Variants in EFNA5 observed in about 807,000 individuals in gnomAD.
EFNA5 encodes ephrin-A5.
EFNA5 carries 5 observed loss-of-function variants against 22.9 expected under a neutral mutation model. That is an observed-to-expected ratio of 0.22 (90% CI 0.11 to 0.46). The LOEUF is 0.46. Among genes scored for constraint, EFNA5 ranks in the 20% least tolerant of loss-of-function variants. The pLI, the probability that EFNA5 is intolerant of heterozygous loss-of-function variation, is 0.99. For missense variants in EFNA5, 237 were observed against 293.3 expected, an observed-to-expected ratio of 0.81 and a Z score of 1.40; for synonymous variants, 113 against 112.2, an observed-to-expected ratio of 1.01 and a Z score of -0.04.
At chr5:107,619,907 C>A (rs1284177087) in intron 1 of EFNA5, among the ~76,000 whole-genome samples, 1 of 152,186 alleles carries the variant, frequency 6.6e-6, no homozygotes, top group Non-Finnish European at 1.5e-5. Context: ...ACCTTTGTTT[C>A]TACCTCTGGC....
chr5:107,657,878 C>A (rs566418345), intron 1 of EFNA5, among the ~76,000 whole-genome samples: 3 of 151,914 alleles, frequency 2.0e-5, no homozygotes, highest in Admixed American at 6.6e-5. Flanking sequence ...AAACAAAAAA[C>A]GCAGAGTAAT....
intron 1 of EFNA5, among the ~76,000 whole-genome samples, chr5:107,645,834 T>C (rs1381641602): frequency 1.3e-5 from 2 of 152,232 alleles, no homozygotes; most frequent in Non-Finnish European, 2.9e-5. Context: ...TCCAGATAAA[T>C]ATGGATTCAG....
chr5:107,380,831 C>A lies in EFNA5; in HGVS notation c.*424G>T, dbSNP rs1747433211. On this transcript the variant is annotated 3_prime_UTR_variant, in exon 5 of 5. Coordinates refer to ENST00000333274, the MANE Select transcript of EFNA5 (RefSeq NM_001962.3). ...AAGGCATAAATATTGCATAGGAGAGCAAAACCCTCCCAGCCCTAGCCAGCG... is the reference window on the plus strand; with the variant it reads ...AAGGCATAAATATTGCATAGGAGAGAAAAACCCTCCCAGCCCTAGCCAGCG... 1 of 408,866 alleles carries A rather than the reference C, an allele frequency of 2.4e-6. No homozygotes were observed. Among genetic ancestry groups the A allele is most frequent in the East Asian group, 3.5e-5 (1 of 28,876 alleles). 25.3% of individuals were successfully genotyped at this position (408,866 alleles called of 1,614,324 possible). A position where few individuals can be genotyped will look rare whatever the true frequency, so the allele number is the denominator to read the frequency against.
chr5:107,555,667 A>G (rs942081300), intron 1 of EFNA5, among the ~76,000 whole-genome samples: 2 of 152,254 alleles, frequency 1.3e-5, no homozygotes, highest in African/African-American at 4.8e-5. Context: ...AGATATACAC[A>G]TTCTTCTATA....
At chr5:107,477,674 G>A (rs1750349446) in intron 1 of EFNA5, among the ~76,000 whole-genome samples, 1 of 152,144 alleles carries the variant, frequency 6.6e-6, no homozygotes, top group African/African-American at 2.4e-5. Context: ...TTCTCAAGGT[G>A]TGGCTATTGT....
chr5:107,591,394 C>G (rs1749321512), intron 1 of EFNA5, among the ~76,000 whole-genome samples: 1 of 152,132 alleles, frequency 6.6e-6, no homozygotes, highest in Non-Finnish European at 1.5e-5. Context: ...TCCAGCTGAC[C>G]ACAGTCCCCA....
chr5:107,383,285 G>A lies in EFNA5; in HGVS notation c.566-1909C>T, dbSNP rs1241276443. On this transcript the variant is annotated intron_variant, in intron 4 of 4. Transcript: ENST00000333274. ...CTAGAAAAGGTTAGGAAGCAAGATG[G>A]TAAGATAAATGGATGCAGAAAAAAT... Among the ~76,000 whole-genome samples, 5 of 152,288 alleles carry A rather than the reference G, an allele frequency of 3.3e-5. 1 individual carries two copies. Among genetic ancestry groups the A allele is most frequent in the Admixed American group, 2.6e-4 (4 of 15,298 alleles).
At chr5:107,474,559 C>G (rs1750227005) in intron 1 of EFNA5, among the ~76,000 whole-genome samples, 1 of 152,040 alleles carries the variant, frequency 6.6e-6, no homozygotes, top group African/African-American at 2.4e-5. Flanking sequence ...GTCATGCAAC[C>G]ATGCATCTTT....
At chr5:107,444,553 A>C (rs757866640) in intron 1 of EFNA5, among the ~76,000 whole-genome samples, 1 of 152,254 alleles carries the variant, frequency 6.6e-6, no homozygotes, top group Non-Finnish European at 1.5e-5. Context: ...GAGAATACTT[A>C]ATGGTTGAAC....
At chr5:107,512,307 C>T (rs546176022) in intron 1 of EFNA5, among the ~76,000 whole-genome samples, 1 of 152,128 alleles carries the variant, frequency 6.6e-6, no homozygotes, top group Admixed American at 6.5e-5. Context: ...TAAATGGCTG[C>T]AATCGCCTGG....
chr5:107,632,917 G>A (rs1325089484), intron 1 of EFNA5, among the ~76,000 whole-genome samples: 1 of 152,066 alleles, frequency 6.6e-6, no homozygotes, highest in Non-Finnish European at 1.5e-5. Context: ...AGATTGCATT[G>A]TAGAATTCAC....
intron 1 of EFNA5, among the ~76,000 whole-genome samples, chr5:107,626,280 A>G (rs529711563): frequency 6.6e-6 from 1 of 151,738 alleles, no homozygotes; most frequent in South Asian, 2.1e-4. Flanking sequence ...TTTTTTTCTT[A>G]CTATTTTTTT....
At chr5:107,408,719 G>A (rs186445446) in intron 2 of EFNA5, among the ~76,000 whole-genome samples, 3 of 152,222 alleles carry the variant, frequency 2.0e-5, no homozygotes, top group African/African-American at 7.2e-5. Context: ...GACTTCTCCT[G>A]GTAAGGCCTT....
chr5:107,477,343 A>G (rs1750339163), intron 1 of EFNA5, among the ~76,000 whole-genome samples: 1 of 152,222 alleles, frequency 6.6e-6, no homozygotes, highest in Admixed American at 6.5e-5. Context: ...TAAGCAATCA[A>G]TAGAATAATA....
chr5:107,650,400 A>G (rs2112552081), intron 1 of EFNA5, among the ~76,000 whole-genome samples: 1 of 152,276 alleles, frequency 6.6e-6, no homozygotes, highest in African/African-American at 2.4e-5. Flanking sequence ...GGAAGAATTT[A>G]CTGGCTGTTA....
At chr5:107,497,003 C>A (rs1337266435) in intron 1 of EFNA5, among the ~76,000 whole-genome samples, 3 of 152,198 alleles carry the variant, frequency 2.0e-5, no homozygotes, top group African/African-American at 7.2e-5. Flanking sequence ...CTGCCCTCCT[C>A]CTGACAAGCA....
chr5:107,653,051 GA>G (rs1482856777), intron 1 of EFNA5, among the ~76,000 whole-genome samples: 1 of 152,084 alleles, frequency 6.6e-6, no homozygotes, highest in African/African-American at 2.4e-5. Flanking sequence ...CATGACAGCT[GA>G]AAGAGGGAAG....
At chr5:107,420,084 A>C (rs1748613956) in intron 2 of EFNA5, among the ~76,000 whole-genome samples, 1 of 152,194 alleles carries the variant, frequency 6.6e-6, no homozygotes, top group Non-Finnish European at 1.5e-5. Flanking sequence ...ACAATTCTTA[A>C]TGTAGATGAC....
Position 107,587,620 on chromosome 5 carries a change from C to T in EFNA5, c.125+82869G>A, listed in dbSNP as rs145812007. ...CAAGCTCCGCCTCCCGGGTTCATGC[C>T]ATTCTCCTGCCTCAGCCTCCTGAAT... On this transcript the variant is annotated intron_variant, in intron 1 of 4. Coordinates refer to ENST00000333274, the MANE Select transcript of EFNA5 (RefSeq NM_001962.3). Among the ~76,000 whole-genome samples, 631 of 152,222 alleles carry T rather than the reference C, an allele frequency of 4.1e-3. 5 individuals carry two copies. Among genetic ancestry groups the T allele is most frequent in the African/African-American group, 0.014 (573 of 41,548 alleles).
Sources: allele counts gnomAD v4.1 joint callset (sites outside exome capture counted in the v4.1 genomes callset), GRCh38; gene constraint gnomAD v4.1.1; transcripts MANE v1.5; gene names NCBI Gene and HGNC (gene_info 2026-07-23, HGNC 2026-07-21).